EPHB2: variants seen among roughly 807,000 people sequenced by gnomAD.
EPHB2 encodes the protein ephrin type-B receptor 2.
In EPHB2, 18 loss-of-function variants were observed where a neutral mutation model predicts 96.4. That is an observed-to-expected ratio of 0.19 (90% confidence interval 0.13 to 0.28). The LOEUF (loss-of-function observed/expected upper bound fraction) is 0.28. EPHB2 is among the 10% of genes least tolerant of loss of function. The pLI, the probability that EPHB2 is intolerant of heterozygous loss-of-function variation, is 1.00. For synonymous variants in EPHB2, 506 were observed against 534.1 expected (o/e 0.95, Z 0.72); for missense variants, 989 against 1,355.4 (o/e 0.73, Z 4.25).
rs117974090 is a variant in EPHB2, at chr1:22,829,151, C to T, written c.812-33886C>T. On this transcript the variant is annotated intron_variant, in intron 3 of 15. Coordinates refer to ENST00000374630, the MANE Select transcript of EPHB2 (RefSeq NM_017449.5). The stretch of plus-strand genomic sequence containing the variant: ...GCAAAGCACGTGACACTGACTGACT[C>T]GTTACTCCTCAGAGCGCTGGTGAAG... Among the ~76,000 whole-genome samples the T allele has an allele frequency of 4.6e-5, 7 of 152,374 alleles. No individual in the cohort carries two copies. In the East Asian group the frequency reaches 7.7e-4, roughly 17 times the overall value.
intron 3 of EPHB2, among the ~76,000 whole-genome samples, chr1:22,841,849 A>G (rs1645474200): frequency 1.3e-5 from 2 of 152,140 alleles, no homozygotes; most frequent in Admixed American, 6.5e-5. Context: ...ATCCTGTTTT[A>G]ATGCATGCGG....
intron 11 of EPHB2, among the ~76,000 whole-genome samples, chr1:22,907,363 T>C (rs1639951409): frequency 1.3e-5 from 2 of 152,232 alleles, no homozygotes; most frequent in African/African-American, 4.8e-5. Flanking sequence ...CCAAGTGTCT[T>C]GACCTCTCAT....
At chr1:22,850,518 C>G (rs2148508623) in intron 3 of EPHB2, among the ~76,000 whole-genome samples, 1 of 152,360 alleles carries the variant, frequency 6.6e-6, no homozygotes, top group South Asian at 2.1e-4. Context: ...CTGGGCCTGG[C>G]CCTGCCAGAT....
chr1:22,842,280 A>G (rs540168494), intron 3 of EPHB2, among the ~76,000 whole-genome samples: 2 of 152,114 alleles, frequency 1.3e-5, no homozygotes, highest in Non-Finnish European at 2.9e-5. Context: ...CGGTGCTGAA[A>G]TCATGAAATA....
intron 3 of EPHB2, among the ~76,000 whole-genome samples, chr1:22,838,846 G>A (rs1400326833): frequency 6.6e-6 from 1 of 152,090 alleles, no homozygotes; most frequent in Admixed American, 6.5e-5. Flanking sequence ...CAGGAAAATG[G>A]TGTGAACCCG....
chr1:22,796,717 A>T (rs957190527), intron 3 of EPHB2, among the ~76,000 whole-genome samples: 1 of 152,236 alleles, frequency 6.6e-6, no homozygotes, highest in African/African-American at 2.4e-5. Flanking sequence ...GCTGGAATCT[A>T]CTTGTAAGTA....
intron 3 of EPHB2, among the ~76,000 whole-genome samples, chr1:22,817,874 G>A (rs1048699149): frequency 2.0e-5 from 3 of 152,310 alleles, no homozygotes; most frequent in Middle Eastern, 3.4e-3. Context: ...CCTAAAGGGC[G>A]GGACGGGAAG....
chr1:22,775,076 G>A (rs1644430698), intron 1 of EPHB2: 3 of 704,364 alleles, frequency 4.3e-6, no homozygotes, highest in Non-Finnish European at 7.9e-6. Flanking sequence ...TCTCACACAG[G>A]CCCATGCAGA....
In EPHB2 at chr1:22,912,620, G is replaced by T. The variant is rs1387313780; in HGVS notation, c.2852+21G>T. On this transcript the variant is annotated intron_variant, in intron 15 of 15. Transcript: ENST00000374630. Reference sequence around the variant, plus strand: ...ATGGAGTAAGTGCCCAGCCACTTCTGCTTGTCACCTTAGCACCCCCTCTCC... The same window carrying T: ...ATGGAGTAAGTGCCCAGCCACTTCTTCTTGTCACCTTAGCACCCCCTCTCC... 15 of 1,612,660 alleles carry T rather than the reference G, an allele frequency of 9.3e-6. 1 individual carries two copies. The African/African-American group carries it at 1.3e-4, about 14-fold the overall frequency.
At chr1:22,862,673 C>T (rs1342290997) in intron 3 of EPHB2, among the ~76,000 whole-genome samples, 2 of 152,140 alleles carry the variant, frequency 1.3e-5, no homozygotes, top group Non-Finnish European at 2.9e-5. Flanking sequence ...AATCAGGGCC[C>T]AGCCAGACAT....
chr1:22,920,044 G>A lies in EPHB2; in HGVS notation c.*6474G>A, dbSNP rs372951036. On this transcript the variant is annotated 3_prime_UTR_variant, in exon 16 of 16. Coordinates refer to ENST00000374630, the MANE Select transcript of EPHB2 (RefSeq NM_017449.5). ...GGAGACAGCTGAAAACAGATACTAAGAAAAGCTCCATCCCTTGGATCTGAG... is the reference window on the plus strand; with the variant it reads ...GGAGACAGCTGAAAACAGATACTAAAAAAAGCTCCATCCCTTGGATCTGAG... The A allele has an allele frequency of 2.0e-4, 30 of 152,180 alleles. No homozygotes were observed. Among genetic ancestry groups the A allele is most frequent in the African/African-American group, 6.3e-4 (26 of 41,522 alleles). 9.4% of individuals were successfully genotyped at this position (152,180 alleles called of 1,614,324 possible).
chr1:22,801,056 G>A (rs1644836000), intron 3 of EPHB2, among the ~76,000 whole-genome samples: 1 of 152,202 alleles, frequency 6.6e-6, no homozygotes, highest in Non-Finnish European at 1.5e-5. Context: ...CCCTGCAGGG[G>A]TACAGGGGGC....
intron 14 of EPHB2, among the ~76,000 whole-genome samples, chr1:22,910,996 A>C (rs1014648489): frequency 1.3e-5 from 2 of 151,968 alleles, no homozygotes; most frequent in African/African-American, 4.8e-5. Flanking sequence ...AAAATTAGCC[A>C]GCCCCTGGTG....
intron 3 of EPHB2, among the ~76,000 whole-genome samples, chr1:22,859,321 G>A (rs984522058): frequency 6.6e-5 from 10 of 150,860 alleles, no homozygotes; most frequent in Non-Finnish European, 1.3e-4. Context: ...TTGTACCTAG[G>A]TGAGTGTGAG....
In EPHB2 at chr1:22,864,034, CTTTTTTTTTTTT is replaced by C. The variant is rs201727615; in HGVS notation, c.968-830_968-819del. Among the ~76,000 whole-genome samples, 888 of 131,126 alleles carry C rather than the reference CTTTTTTTTTTTT, an allele frequency of 6.8e-3. 11 individuals carry two copies. The highest frequency in any genetic ancestry group is 0.022 in the Middle Eastern group (6 of 270). 86.0% of individuals were successfully genotyped at this position (131,126 alleles called of 152,430 possible). The stretch of plus-strand genomic sequence containing the variant: ...CACCACGCCCAACCTAGTTTCTGTT[CTTTTTTTTTTTT>C]TTTTTTTTTTTTGAGATGGAGTTTC... On this transcript the variant is annotated intron_variant, in intron 4 of 15. Coordinates refer to ENST00000374630, the MANE Select transcript of EPHB2 (RefSeq NM_017449.5).
At chr1:22,777,555 A>G (rs1428598024) in intron 1 of EPHB2, among the ~76,000 whole-genome samples, 1 of 152,194 alleles carries the variant, frequency 6.6e-6, no homozygotes, top group Non-Finnish European at 1.5e-5. Flanking sequence ...AATAACTATT[A>G]ACTCCAGATT....
intron 3 of EPHB2, among the ~76,000 whole-genome samples, chr1:22,817,314 G>T (rs571381200): frequency 6.6e-6 from 1 of 152,146 alleles, no homozygotes; most frequent in Non-Finnish European, 1.5e-5. Context: ...TCATAACCAC[G>T]CTCTGAAGCA....
At chr1:22,865,251 G>A (rs575720715) in intron 5 of EPHB2, 39 bp downstream of exon 5, 26 of 1,610,578 alleles carry the variant, frequency 1.6e-5, no homozygotes, top group South Asian at 1.5e-4. Context: ...GTGCCCCATC[G>A]CGCTGTGCCA....
At chr1:22,824,737 C>T (rs1645199728) in intron 3 of EPHB2, among the ~76,000 whole-genome samples, 1 of 152,244 alleles carries the variant, frequency 6.6e-6, no homozygotes, top group African/African-American at 2.4e-5. Context: ...GTGTCAGTGT[C>T]CCTAATTAGT....
Sources: allele counts gnomAD v4.1 joint callset (sites outside exome capture counted in the v4.1 genomes callset), GRCh38; gene constraint gnomAD v4.1.1; transcripts MANE v1.5; gene names NCBI Gene and HGNC (gene_info 2026-07-23, HGNC 2026-07-21).